The following AMBRA1 variants were observed in gnomAD, a reference collection of about 807,000 sequenced individuals.
AMBRA1 encodes the protein activating molecule in BECN1-regulated autophagy protein 1.
A neutral mutation model predicts 125.4 loss-of-function variants in AMBRA1; 47 were observed. The ratio of observed to expected loss-of-function variants is 0.37; its 90% CI spans 0.30 to 0.48. AMBRA1 has a LOEUF of 0.48. Ranked by LOEUF, AMBRA1 falls within the 20% of genes least tolerant of loss-of-function variation. AMBRA1 has a pLI of 0.99. For missense variants in AMBRA1, 1,331 were observed against 1,693.4 expected (o/e 0.79, Z 3.76); for synonymous variants, 626 against 655.5 (o/e 0.95, Z 0.69).
chr11:46,502,166 G>A (rs1260689221), intron 9 of AMBRA1, among the ~76,000 whole-genome samples: 3 of 152,006 alleles, frequency 2.0e-5, no homozygotes, highest in Admixed American at 6.6e-5. Flanking sequence ...TGCAATCTCC[G>A]CCTCCTAGGT....
chr11:46,418,838 C>A (rs1946705138), intron 14 of AMBRA1, among the ~76,000 whole-genome samples: 1 of 152,078 alleles, frequency 6.6e-6, no homozygotes, highest in Admixed American at 6.6e-5. Flanking sequence ...TAAATTAACT[C>A]CCTGGAAAGC....
chr11:46,442,688 A>G (rs1409132334), intron 12 of AMBRA1, among the ~76,000 whole-genome samples: 1 of 152,228 alleles, frequency 6.6e-6, no homozygotes, highest in African/African-American at 2.4e-5. Context: ...TGTAAATCAG[A>G]TATCAACCAT....
At chr11:46,556,746 A>T (rs2043166929) in intron 1 of AMBRA1, among the ~76,000 whole-genome samples, 1 of 152,198 alleles carries the variant, frequency 6.6e-6, no homozygotes, top group Admixed American at 6.5e-5. Context: ...GATAGTATGT[A>T]TATCACAGGG....
chr11:46,460,707 C>T (rs940415533), intron 11 of AMBRA1, among the ~76,000 whole-genome samples: 1 of 152,194 alleles, frequency 6.6e-6, no homozygotes, highest in African/African-American at 2.4e-5. Flanking sequence ...AAACCAAAGT[C>T]ATAAGAGCAG....
intron 14 of AMBRA1, among the ~76,000 whole-genome samples, chr11:46,432,361 C>T (rs989134484): frequency 2.0e-5 from 3 of 151,946 alleles, no homozygotes; most frequent in African/African-American, 7.3e-5. Context: ...GTAAAGGTAC[C>T]CTGGCAAGAA....
At chr11:46,446,578 G>C (rs1289276354) in intron 11 of AMBRA1, among the ~76,000 whole-genome samples, 1 of 152,152 alleles carries the variant, frequency 6.6e-6, no homozygotes, top group Admixed American at 6.5e-5. Flanking sequence ...TGAAATTTTA[G>C]GACAGATAAT....
At chr11:46,423,673 G>A (rs985715393) in intron 14 of AMBRA1, among the ~76,000 whole-genome samples, 1 of 151,956 alleles carries the variant, frequency 6.6e-6, no homozygotes, top group African/African-American at 2.4e-5. Flanking sequence ...TTACAGGCGT[G>A]AGCCACCGTG....
At chr11:46,514,101 G>A (rs1951379177) in intron 7 of AMBRA1, among the ~76,000 whole-genome samples, 1 of 152,166 alleles carries the variant, frequency 6.6e-6, no homozygotes, top group South Asian at 2.1e-4. Context: ...GCCTTTCCTA[G>A]GAACAGGTCC....
intron 11 of AMBRA1, among the ~76,000 whole-genome samples, chr11:46,448,376 T>A (rs1213408518): frequency 2.0e-5 from 3 of 152,180 alleles, no homozygotes; most frequent in Non-Finnish European, 4.4e-5. Context: ...AAAGAATATG[T>A]CTCAAGAGAG....
chr11:46,447,003 T>C (rs1008617135), intron 11 of AMBRA1, among the ~76,000 whole-genome samples: 3 of 152,248 alleles, frequency 2.0e-5, no homozygotes, highest in Non-Finnish European at 4.4e-5. Context: ...TTATCTACTA[T>C]AGTGTGACTT....
rs1453439256 is a variant in AMBRA1, at chr11:46,423,809, G to A, written c.2977-5757C>T. 5.7e-5 allele frequency among the ~76,000 whole-genome samples: 8 copies of A among 140,556 alleles called. No individual in the cohort carries two copies. In the East Asian group the frequency reaches 1.7e-3, roughly 29 times the overall value. 92.2% of individuals were successfully genotyped at this position (140,556 alleles called of 152,430 possible). A position where few individuals can be genotyped will look rare whatever the true frequency, so the allele number is the denominator to read the frequency against. On this transcript the variant is annotated intron_variant, in intron 14 of 17. Coordinates refer to ENST00000683756, the MANE Select transcript of AMBRA1 (RefSeq NM_001387011.1). ...ATGGAGTTCCGCTCTTGCTGCCCAG[G>A]CTAGAGTGCAGTGGCACGATATCAG... is the stretch of plus-strand genomic sequence containing the variant.
At chr11:46,480,489 G>C (rs1950017559) in intron 11 of AMBRA1, among the ~76,000 whole-genome samples, 2 of 152,204 alleles carry the variant, frequency 1.3e-5, no homozygotes, top group Non-Finnish European at 2.9e-5. Context: ...AATGGCCAAA[G>C]CTATACCACT....
At chr11:46,433,975 C>G (rs1394667026) in intron 13 of AMBRA1, among the ~76,000 whole-genome samples, 2 of 151,802 alleles carry the variant, frequency 1.3e-5, no homozygotes, top group Non-Finnish European at 2.9e-5. Flanking sequence ...GTTAGTCAGG[C>G]GTGGTTGCGC....
At chr11:46,513,210 C>T (rs1414802231) in intron 7 of AMBRA1, among the ~76,000 whole-genome samples, 1 of 151,320 alleles carries the variant, frequency 6.6e-6, no homozygotes, top group Non-Finnish European at 1.5e-5. Flanking sequence ...TCCTCCATGC[C>T]ATCATCATCC....
At chr11:46,489,600 T>C (rs1950394043) in intron 11 of AMBRA1, among the ~76,000 whole-genome samples, 1 of 152,138 alleles carries the variant, frequency 6.6e-6, no homozygotes, top group Non-Finnish European at 1.5e-5. Context: ...TTGATTTTAA[T>C]CAAAACAGTA....
At chr11:46,509,108 C>T (rs533405516) in intron 8 of AMBRA1, among the ~76,000 whole-genome samples, 2 of 152,276 alleles carry the variant, frequency 1.3e-5, no homozygotes, top group African/African-American at 2.4e-5. Flanking sequence ...TCAGAGGCTG[C>T]GTGGGCACTG....
intron 1 of AMBRA1, among the ~76,000 whole-genome samples, chr11:46,579,851 T>C (rs2044110164): frequency 1.3e-5 from 2 of 152,304 alleles, no homozygotes; most frequent in African/African-American, 4.8e-5. Context: ...GAGCTGGGAT[T>C]ACAGGTGTGC....
At chr11:46,459,261 C>A (rs1173057598) in intron 11 of AMBRA1, among the ~76,000 whole-genome samples, 1 of 151,924 alleles carries the variant, frequency 6.6e-6, no homozygotes, top group Non-Finnish European at 1.5e-5. Flanking sequence ...TAGAAAAAAA[C>A]TTGGAAAGAC....
intron 11 of AMBRA1, among the ~76,000 whole-genome samples, chr11:46,447,716 ATAGATAGATAGATAG>A (rs1948366602): frequency 2.6e-3 from 1 of 378 alleles, no homozygotes; most frequent in African/African-American, 4.6e-3. Flanking sequence ...TTGTAGATAG[ATAGATAGATAGATAG>A]ATAGATAGAT....
Sources: gnomAD v4.1 joint callset for allele counts (sites outside exome capture counted in the v4.1 genomes callset) on GRCh38, gnomAD v4.1.1 for gene constraint, MANE v1.5 for transcripts, NCBI Gene and HGNC (gene_info 2026-07-23, HGNC 2026-07-21) for gene names.